Variants in EXOC4 observed in about 807,000 individuals in gnomAD.
The protein encoded by EXOC4 is SEC8-like 1.
Under a neutral mutation model 107.2 loss-of-function variants are expected in EXOC4, and 71 were observed. The ratio of observed to expected loss-of-function variants is 0.66; its 90% CI spans 0.55 to 0.81. The LOEUF (loss-of-function observed/expected upper bound fraction) is 0.81. Among genes scored for constraint, EXOC4 ranks in the 30% least tolerant of loss-of-function variants. EXOC4 has a pLI of 0.00. For missense variants in EXOC4, 1,108 were observed against 1,189.6 expected (o/e 0.93, Z 1.01); for synonymous variants, 456 against 441.2 (o/e 1.03, Z -0.42).
At position 133,445,890 on chromosome 7, in the gene EXOC4, C is replaced by A. The variant is rs188820657; in HGVS notation, c.1183-29438C>A. 1.8e-4 allele frequency among the ~76,000 whole-genome samples: 27 copies of A among 152,060 alleles called. No homozygotes were observed. The East Asian group carries it at 3.7e-3, about 21-fold the overall frequency. On this transcript the variant is annotated intron_variant, in intron 7 of 17. Transcript: ENST00000253861. ...AATTAGCCAGGCATGGTGGCGCATGCCTGCAGTCCCAGCTACTCAAAAGTC... is the reference window on the plus strand; with the variant it reads ...AATTAGCCAGGCATGGTGGCGCATGACTGCAGTCCCAGCTACTCAAAAGTC...
chr7:133,602,041 TATA>T, intron 9 of EXOC4: 1 of 152,394 alleles, frequency 6.6e-6, no homozygotes, highest in South Asian at 2.1e-4. Context: ...TTGTTAACTA[TATA>T]ACCTCAGTTG....
In EXOC4 at chr7:133,253,195, A is replaced by T. The variant is rs369121330; in HGVS notation, c.86+8A>T. ...GCTCATCTCTGTGATCAGGTGAGGGAGGCAGGAGGCAGGGTCTGGGGACTG... is the reference window on the plus strand; with the variant it reads ...GCTCATCTCTGTGATCAGGTGAGGGTGGCAGGAGGCAGGGTCTGGGGACTG... On this transcript the variant is annotated splice_region_variant and intron_variant, in intron 1 of 17. Coordinates refer to ENST00000253861, the MANE Select transcript of EXOC4 (RefSeq NM_021807.4). 64 of 1,613,188 alleles carry T rather than the reference A, an allele frequency of 4.0e-5. No individual in the cohort carries two copies. The African/African-American group carries it at 8.3e-4, about 21-fold the overall frequency.
At chr7:133,956,444 T>C (rs1800821059) in intron 14 of EXOC4, among the ~76,000 whole-genome samples, 1 of 152,210 alleles carries the variant, frequency 6.6e-6, no homozygotes, top group Non-Finnish European at 1.5e-5. Flanking sequence ...GTACAGAAAC[T>C]TGGCCTTTCA....
At chr7:133,908,088 A>G (rs1563052989) in intron 12 of EXOC4, among the ~76,000 whole-genome samples, 1 of 152,298 alleles carries the variant, frequency 6.6e-6, no homozygotes, top group Middle Eastern at 3.4e-3. Flanking sequence ...TTGTCCTACA[A>G]ATTCTGTAGC....
intron 11 of EXOC4, among the ~76,000 whole-genome samples, chr7:133,832,885 AT>A (rs1036147059): frequency 3.9e-5 from 6 of 152,340 alleles, no homozygotes; most frequent in Admixed American, 3.3e-4. Flanking sequence ...AAACAAGTAT[AT>A]CACAATGGTA....
intron 17 of EXOC4, among the ~76,000 whole-genome samples, chr7:134,017,348 T>A (rs763871591): frequency 2.0e-5 from 3 of 152,168 alleles, no homozygotes; most frequent in Non-Finnish European, 4.4e-5. Context: ...AAGCTAACCC[T>A]GATTTTCCTA....
chr7:133,800,123 G>A (rs1207749306), intron 10 of EXOC4, among the ~76,000 whole-genome samples: 1 of 137,812 alleles, frequency 7.3e-6, no homozygotes, highest in East Asian at 2.2e-4. Flanking sequence ...CCCCAGATGA[G>A]AGTCTCAGCT....
intron 10 of EXOC4, among the ~76,000 whole-genome samples, chr7:133,816,532 C>A (rs1414593104): frequency 6.6e-6 from 1 of 152,132 alleles, no homozygotes. Flanking sequence ...ACTCACATAT[C>A]ATCATGAATT....
At chr7:133,977,043 A>T (rs1197932309) in intron 14 of EXOC4, among the ~76,000 whole-genome samples, 1 of 152,230 alleles carries the variant, frequency 6.6e-6, no homozygotes, top group African/African-American at 2.4e-5. Flanking sequence ...TTGGTGGTCT[A>T]ACCTGTGGAG....
At chr7:133,656,895 G>A (rs1585058524) in intron 10 of EXOC4, among the ~76,000 whole-genome samples, 2 of 152,266 alleles carry the variant, frequency 1.3e-5, no homozygotes, top group East Asian at 3.9e-4. Context: ...GACTTGAAAT[G>A]AGAGTAATTC....
chr7:133,478,844 A>C (rs1008470284), intron 8 of EXOC4: 2 of 152,126 alleles, frequency 1.3e-5, no homozygotes, highest in African/African-American at 2.4e-5. Flanking sequence ...TCTTTTCTGC[A>C]CTTGACTGGC....
chr7:134,093,601 C>G, the EXOC4 span, among the ~76,000 whole-genome samples: 20 of 152,258 alleles, frequency 1.3e-4, 1 homozygote, highest in East Asian at 3.7e-3. Context: ...GAATACTCCA[C>G]TCATTAACCA....
At chr7:133,786,398 C>T (rs1796569845) in intron 10 of EXOC4, among the ~76,000 whole-genome samples, 1 of 152,192 alleles carries the variant, frequency 6.6e-6, no homozygotes, top group South Asian at 2.1e-4. Flanking sequence ...TTTCAGAGTC[C>T]ACCCTGCTGG....
intron 7 of EXOC4, among the ~76,000 whole-genome samples, chr7:133,461,455 AT>A (rs1054957613): frequency 3.2e-4 from 48 of 152,290 alleles, no homozygotes; most frequent in African/African-American, 9.4e-4. Context: ...ATAGGCAAAT[AT>A]TTTTTTATAA....
chr7:133,611,731 C>A (rs1802080215), intron 9 of EXOC4, among the ~76,000 whole-genome samples: 1 of 152,106 alleles, frequency 6.6e-6, no homozygotes, highest in South Asian at 2.1e-4. Flanking sequence ...TGTGTCATTT[C>A]CATGAAATGA....
At position 133,774,117 on chromosome 7, in the gene EXOC4, A is replaced by G. The variant is rs75567640; in HGVS notation, c.1515-43208A>G. 5.1e-3 allele frequency among the ~76,000 whole-genome samples: 777 copies of G among 152,246 alleles called. 4 individuals are homozygous for G. Among genetic ancestry groups the G allele is most frequent in the African/African-American group, 0.017 (723 of 41,554 alleles). On this transcript the variant is annotated intron_variant, in intron 10 of 17. Coordinates refer to ENST00000253861, the MANE Select transcript of EXOC4 (RefSeq NM_021807.4). ...GCCATAAAACAAGGCCTGACCTTGTATGATTCTCTACCCAATGAGCTAACC... is the reference window on the plus strand; with the variant it reads ...GCCATAAAACAAGGCCTGACCTTGTGTGATTCTCTACCCAATGAGCTAACC...
intron 10 of EXOC4, among the ~76,000 whole-genome samples, chr7:133,686,991 TTTTGTG>T (rs71162018): frequency 0.17 from 25,102 of 144,460 alleles, 1,846 homozygotes; most frequent in South Asian, 0.21. Flanking sequence ...GGATAAAGAA[TTTTGTG>T]TGTGTGTGTG....
At position 133,809,997 on chromosome 7, in the gene EXOC4, A is replaced by C. The variant is rs1028953567; in HGVS notation, c.1515-7328A>C. Among the ~76,000 whole-genome samples the C allele has an allele frequency of 6.6e-5, 10 of 152,214 alleles. 1 individual carries two copies. The East Asian group carries it at 1.7e-3, about 26-fold the overall frequency. On this transcript the variant is annotated intron_variant, in intron 10 of 17. Transcript: ENST00000253861. Reference sequence around the variant, plus strand: ...CAAGTTGCGCATTTTTAGCAAGAGTAACAGAAAACAATACTGTGTTCTTCT... The same window carrying C: ...CAAGTTGCGCATTTTTAGCAAGAGTCACAGAAAACAATACTGTGTTCTTCT...
intron 11 of EXOC4, among the ~76,000 whole-genome samples, chr7:133,881,079 A>G (rs1319070019): frequency 6.6e-6 from 1 of 152,190 alleles, no homozygotes; most frequent in Non-Finnish European, 1.5e-5. Context: ...CTGTACTTGA[A>G]GTGGATCATC....
Sources: allele counts gnomAD v4.1 joint callset (sites outside exome capture counted in the v4.1 genomes callset), GRCh38; gene constraint gnomAD v4.1.1; transcripts MANE v1.5; gene names NCBI Gene and HGNC (gene_info 2026-07-23, HGNC 2026-07-21).